The following DNAJB1 variants were observed in gnomAD, a reference collection of about 807,000 sequenced individuals.
DNAJB1 encodes dnaJ homolog subfamily B member 1.
A neutral mutation model predicts 24.0 loss-of-function variants in DNAJB1; 14 were observed. That is an observed-to-expected ratio of 0.58 (90% CI 0.39 to 0.91). The LOEUF is 0.91. Among genes scored for constraint, DNAJB1 ranks in the 40% least tolerant of loss-of-function variants. DNAJB1 has a pLI of 0.00. For missense variants in DNAJB1, 517 were observed against 458.1 expected (o/e 1.13, Z -1.17); for synonymous variants, 262 against 174.4 (o/e 1.50, Z -3.96).
chr19:14,525,763 T>C (rs1599387283), intron 2 of DNAJB1, among the ~76,000 whole-genome samples: 1 of 150,138 alleles, frequency 6.7e-6, no homozygotes, highest in East Asian at 2.0e-4. Flanking sequence ...AGCTGTACAC[T>C]AAAATGGGTG....
chr19:14,527,165 C>CTTTTTTTTTTTTTTTTTTTTT (rs369143149), intron 2 of DNAJB1, among the ~76,000 whole-genome samples: 1 of 41,264 alleles, frequency 2.4e-5, no homozygotes, highest in African/African-American at 1.1e-4. Flanking sequence ...AATATCTCTG[C>CTTTTTTTTTTTTTTTTTTTTT]TTTTTTTTTT....
rs778827850 is a variant in DNAJB1, at chr19:14,517,057, G to T, written c.212-11C>A. On this transcript the variant is annotated splice_polypyrimidine_tract_variant and intron_variant, in intron 1 of 2. Coordinates refer to ENST00000254322, the MANE Select transcript of DNAJB1 (RefSeq NM_006145.3). The stretch of plus-strand genomic sequence containing the variant: ...CACTCCCCTTTAGGCCTGAAAAGCA[G>T]ATTTAGAAGCAGTCAGATGGCTGAA... 2 of 1,594,004 alleles carry T rather than the reference G, an allele frequency of 1.3e-6. No individual in the cohort carries two copies. The highest frequency in any genetic ancestry group is 2.2e-5 in the South Asian group (2 of 90,200).
chr19:14,518,948 T>C (rs892679965), upstream of DNAJB1, among the ~76,000 whole-genome samples: 26 of 152,120 alleles, frequency 1.7e-4, no homozygotes, highest in Non-Finnish European at 3.5e-4. Flanking sequence ...AGAGAACCTA[T>C]CAGGCCGGGC....
At chr19:14,543,246 A>T (rs1451870706) in intron 1 of DNAJB1, among the ~76,000 whole-genome samples, 1 of 143,218 alleles carries the variant, frequency 7.0e-6, no homozygotes, top group African/African-American at 2.6e-5. Context: ...GAGCTGCTGA[A>T]TGAATGTTTC....
chr19:14,526,939 C>T (rs2072435188), intron 2 of DNAJB1, among the ~76,000 whole-genome samples: 2 of 152,016 alleles, frequency 1.3e-5, no homozygotes, highest in South Asian at 4.1e-4. Flanking sequence ...TGGGATGGCT[C>T]ATGCCTGTAA....
At chr19:14,553,058 C>T (rs925360366), upstream of DNAJB1, among the ~76,000 whole-genome samples, 3 of 152,048 alleles carry the variant, frequency 2.0e-5, no homozygotes, top group Admixed American at 6.5e-5. Flanking sequence ...AGGGCTGAGA[C>T]CCAGGTTCTC....
At chr19:14,555,046 G>A (rs2073669885), upstream of DNAJB1, among the ~76,000 whole-genome samples, 1 of 151,720 alleles carries the variant, frequency 6.6e-6, no homozygotes, top group Non-Finnish European at 1.5e-5. Flanking sequence ...CAGAGTGCTG[G>A]GATTACAGGC....
chr19:14,518,243 T>C lies in DNAJB1; in HGVS notation c.107A>G (p.Asn36Ser). Residue 36 changes from asparagine to serine, a missense_variant, in exon 1 of 3, where the codon AAC becomes AGC. By Grantham distance (46) the Asn-to-Ser change is conservative (BLOSUM62 1). Transcript: ENST00000254322. ...RQALRYHPDK[N>S]KEPGAEEKFK... ...CTTCTCCTCGGCGCCGGGCTCCTTG[T>C]TCTTGTCCGGGTGGTAGCGCAGCGC... 1.2e-6 allele frequency: 2 copies of C among 1,608,856 alleles called. No individual in the cohort carries two copies. Among genetic ancestry groups the C allele is most frequent in the Non-Finnish European group, 1.7e-6 (2 of 1,178,130 alleles).
upstream of DNAJB1, among the ~76,000 whole-genome samples, chr19:14,533,769 C>T (rs996027044): frequency 6.6e-6 from 1 of 152,164 alleles, no homozygotes; most frequent in Non-Finnish European, 1.5e-5. Flanking sequence ...CTCTCTAGAA[C>T]GGGTCACCTC....
At chr19:14,518,549 T>C (rs2072321249), upstream of DNAJB1, 1 of 397,246 alleles carries the variant, frequency 2.5e-6, no homozygotes, top group Non-Finnish European at 4.2e-6. Flanking sequence ...GGGCGGGGCC[T>C]CGCCGTCAAC....
chr19:14,518,166 C>T lies in DNAJB1; in HGVS notation c.184G>A (p.Glu62Lys). 2.5e-6 allele frequency: 4 copies of T among 1,584,984 alleles called. No homozygotes were observed. Among genetic ancestry groups the T allele is most frequent in the Non-Finnish European group, 3.4e-6 (4 of 1,167,008 alleles). Reference sequence around the variant, plus strand: ...TCCTCCCCGTAGCGGTCGAAGATCTCGCGCTTGCGCGGGTCGCTGAGCACG... The same window carrying T: ...TCCTCCCCGTAGCGGTCGAAGATCTTGCGCTTGCGCGGGTCGCTGAGCACG... ...YDVLSDPRKR[E>K]IFDRYGEEGL... is the part of the protein sequence containing the mutation. The change falls in exon 1 of 3, where the codon GAG becomes AAG. Residue 62 changes from glutamate to lysine, a missense_variant. By Grantham distance (56) the Glu-to-Lys change is moderately conservative. Coordinates refer to ENST00000254322, the MANE Select transcript of DNAJB1 (RefSeq NM_006145.3).
chr19:14,528,816 T>C (rs1055226910), intron 1 of DNAJB1, among the ~76,000 whole-genome samples: 1 of 151,722 alleles, frequency 6.6e-6, no homozygotes. Flanking sequence ...TGGTGGCGGG[T>C]GCCTGTAATC....
At chr19:14,521,900 GCGTGAGCCACCACGCC>G (rs2072364975), upstream of DNAJB1, among the ~76,000 whole-genome samples, 1 of 152,140 alleles carries the variant, frequency 6.6e-6, no homozygotes, top group Non-Finnish European at 1.5e-5. Flanking sequence ...GGGATTACAG[GCGTGAGCCACCACGCC>G]CAGCCAGTTC....
chr19:14,541,203 C>G (rs575442614), intron 1 of DNAJB1, among the ~76,000 whole-genome samples: 4 of 152,298 alleles, frequency 2.6e-5, no homozygotes, highest in African/African-American at 4.8e-5. Context: ...GTCTTGAACT[C>G]CTTGGTTCAA....
rs1017221893 is a variant in DNAJB1 at position 14,535,329 on chromosome 19, A to G, written c.-213-7519T>C. Among the ~76,000 whole-genome samples, 10 of 150,706 alleles carry G rather than the reference A, an allele frequency of 6.6e-5. No homozygotes were observed. The East Asian group carries it at 1.8e-3, about 27-fold the overall frequency. ...GAGACCATCCTGGCTAACACAGTGA[A>G]ACCCCGTCTCTACTAAAAAATAGAA... On this transcript the variant is annotated intron_variant, in intron 1 of 3. Transcript: ENST00000676982.
chr19:14,533,032 G>A (rs1031390863), upstream of DNAJB1, among the ~76,000 whole-genome samples: 1 of 151,982 alleles, frequency 6.6e-6, no homozygotes, highest in Admixed American at 6.6e-5. Context: ...AGAATCACTT[G>A]AAGCTGGGAG....
intron 1 of DNAJB1, among the ~76,000 whole-genome samples, chr19:14,546,570 T>C (rs1257802950): frequency 6.6e-6 from 1 of 152,202 alleles, no homozygotes; most frequent in Non-Finnish European, 1.5e-5. Flanking sequence ...ATTTATTTAT[T>C]ACAGAAACAG....
At chr19:14,529,280 C>A in exon 1 of DNAJB1, 1 of 344,012 alleles carries the variant, frequency 2.9e-6, no homozygotes. Flanking sequence ...CTTCTTACCC[C>A]GCCCCCGCGT....
At chr19:14,542,772 C>T (rs1469871971) in intron 1 of DNAJB1, among the ~76,000 whole-genome samples, 1 of 152,086 alleles carries the variant, frequency 6.6e-6, no homozygotes, top group Non-Finnish European at 1.5e-5. Context: ...ACCCCAGTTA[C>T]ATGGTTAGCT....
Sources: gnomAD v4.1 joint callset for allele counts (sites outside exome capture counted in the v4.1 genomes callset) on GRCh38, gnomAD v4.1.1 for gene constraint, MANE v1.5 for transcripts, NCBI Gene and HGNC (gene_info 2026-07-23, HGNC 2026-07-21) for gene names.